Variants in HCN1 observed in about 807,000 individuals in gnomAD.
HCN1 encodes hyperpolarization activated cyclic nucleotide gated potassium channel 1, also known as potassium/sodium hyperpolarization-activated cyclic nucleotide-gated channel 1.
Under a neutral mutation model 78.9 loss-of-function variants are expected in HCN1, and 13 were observed. That is an observed-to-expected ratio of 0.16 (90% confidence interval 0.11 to 0.26). The LOEUF is 0.26. Among genes scored for constraint, HCN1 ranks in the 10% least tolerant of loss-of-function variants. The probability of loss-of-function intolerance (pLI) is 1.00; values close to 1 mark genes in which losing one functional copy is unlikely to be tolerated. For synonymous variants in HCN1, 552 were observed against 455.5 expected (o/e 1.21, Z -2.70); for missense variants, 810 against 1,154.3 (o/e 0.70, Z 4.32).
chr5:45,426,012 T>C (rs538401219), intron 3 of HCN1, among the ~76,000 whole-genome samples: 18 of 152,140 alleles, frequency 1.2e-4, no homozygotes, highest in Non-Finnish European at 2.4e-4. Flanking sequence ...AATGAGAAGA[T>C]AGGTACTAGG....
At chr5:45,495,627 C>A (rs1742009076) in intron 2 of HCN1, among the ~76,000 whole-genome samples, 2 of 152,194 alleles carry the variant, frequency 1.3e-5, no homozygotes, top group African/African-American at 2.4e-5. Flanking sequence ...GCCAGAACTT[C>A]CAACACTATG....
chr5:45,647,047 T>G (rs992353644), intron 1 of HCN1, among the ~76,000 whole-genome samples: 5 of 152,152 alleles, frequency 3.3e-5, no homozygotes, highest in African/African-American at 1.2e-4. Flanking sequence ...GAATGACTCC[T>G]GAAATAAAAG....
chr5:45,380,974 C>T (rs1287303709), intron 4 of HCN1, among the ~76,000 whole-genome samples: 1 of 152,128 alleles, frequency 6.6e-6, no homozygotes, highest in Non-Finnish European at 1.5e-5. Flanking sequence ...TAATTAGCAT[C>T]TATCTTCAGG....
intron 2 of HCN1, among the ~76,000 whole-genome samples, chr5:45,610,868 T>C (rs904478392): frequency 6.6e-6 from 1 of 152,022 alleles, no homozygotes; most frequent in Admixed American, 6.6e-5. Flanking sequence ...GGAAAATTCC[T>C]TAAGACTCTT....
chr5:45,541,168 T>C (rs1385648950), intron 2 of HCN1, among the ~76,000 whole-genome samples: 8 of 152,146 alleles, frequency 5.3e-5, no homozygotes, highest in Admixed American at 1.3e-4. Context: ...TGGTACAAAA[T>C]GTTTATAGAA....
chr5:45,686,879 T>A lies in HCN1; in HGVS notation c.425+8790A>T, dbSNP rs534717027. Among the ~76,000 whole-genome samples, 272 of 152,310 alleles carry A rather than the reference T, an allele frequency of 1.8e-3. 1 individual carries two copies. The highest frequency in any genetic ancestry group is 6.3e-3 in the African/African-American group (262 of 41,574). On this transcript the variant is annotated intron_variant, in intron 1 of 7. Transcript: ENST00000303230. ...TTTGGAGTACTCCTGGGACTTCAGG[T>A]TTCTCTGTGTTAGAGCCCATTTCCT...
rs189400651 is a variant in HCN1 at position 45,652,397 on chromosome 5, C to T, written c.426-6789G>A. On this transcript the variant is annotated intron_variant, in intron 1 of 7. Transcript: ENST00000303230. ...TCTGTATTAGCATAGACTCATTTTT[C>T]TCAATTCTTATCTGACTCCTCTTCT... Among the ~76,000 whole-genome samples the T allele has an allele frequency of 4.6e-4, 70 of 151,904 alleles. No individual in the cohort carries two copies. The East Asian group carries it at 0.013, about 29-fold the overall frequency.
chr5:45,600,148 A>C (rs866141171), intron 2 of HCN1, among the ~76,000 whole-genome samples: 7 of 151,804 alleles, frequency 4.6e-5, no homozygotes, highest in Middle Eastern at 3.4e-3. Flanking sequence ...TAATCTCCCA[A>C]TTTTAGGCTT....
intron 2 of HCN1, among the ~76,000 whole-genome samples, chr5:45,636,834 C>G (rs1486641941): frequency 3.9e-5 from 6 of 151,982 alleles, no homozygotes; most frequent in Non-Finnish European, 1.5e-5. Flanking sequence ...AGAGCAAGAC[C>G]CTATCTCTAA....
rs560950118 is a variant in HCN1 at position 45,675,416 on chromosome 5, G to A, written c.425+20253C>T. Among the ~76,000 whole-genome samples, 186 of 151,850 alleles carry A rather than the reference G, an allele frequency of 1.2e-3. 1 individual carries two copies. Among genetic ancestry groups the A allele is most frequent in the African/African-American group, 4.4e-3 (181 of 41,486 alleles). Reference sequence around the variant, plus strand: ...ATTCTCTAGCCCCACTGAGTCACTAGTGATCCTTGATTCAAACACATCCAA... The same window carrying A: ...ATTCTCTAGCCCCACTGAGTCACTAATGATCCTTGATTCAAACACATCCAA... On this transcript the variant is annotated intron_variant, in intron 1 of 7. Transcript: ENST00000303230.
chr5:45,463,389 G>A (rs960055381), intron 2 of HCN1, among the ~76,000 whole-genome samples: 42 of 151,866 alleles, frequency 2.8e-4, no homozygotes, highest in Admixed American at 2.0e-3. Flanking sequence ...TAATTATAGT[G>A]AGCAAAAAGA....
intron 3 of HCN1, among the ~76,000 whole-genome samples, chr5:45,445,504 G>T (rs990775606): frequency 1.3e-5 from 2 of 152,188 alleles, no homozygotes; most frequent in African/African-American, 4.8e-5. Flanking sequence ...AGACCTAAAT[G>T]TCCCTGTCTG....
At position 45,314,669 on chromosome 5, in the gene HCN1, C is replaced by G. The variant is rs191439749; in HGVS notation, c.1378-10830G>C. ...CATCAGTGTGCTGTATTCAGGAGAC[C>G]CATCTCACATGCAGAGACACACAGG... On this transcript the variant is annotated intron_variant, in intron 5 of 7. Transcript: ENST00000303230. Among the ~76,000 whole-genome samples, 7 of 152,082 alleles carry G rather than the reference C, an allele frequency of 4.6e-5. No homozygotes were observed. In the East Asian group the frequency reaches 9.7e-4, roughly 21 times the overall value.
intron 3 of HCN1, among the ~76,000 whole-genome samples, chr5:45,445,453 G>A (rs890230212): frequency 2.0e-5 from 3 of 152,182 alleles, no homozygotes; most frequent in South Asian, 2.1e-4. Context: ...CACCTCTGGG[G>A]GCAGGGCACA....
rs1426416470 is a variant in HCN1 at position 45,696,210 on chromosome 5, C to A, written c.-117G>T. 6 of 438,530 alleles carry A rather than the reference C, an allele frequency of 1.4e-5. No individual in the cohort carries two copies. The South Asian group carries it at 5.6e-4, about 41-fold the overall frequency. The allele number at this position is 438,530 out of a possible 1,614,324, so 27.2% of individuals were successfully genotyped here. On this transcript the variant is annotated 5_prime_UTR_variant, in exon 1 of 8. Coordinates refer to ENST00000303230, the MANE Select transcript of HCN1 (RefSeq NM_021072.4). ...CCGGCTGCCGGCGAGCCCAGCTGCC[C>A]GTCGCGGCGGCGGCGGCGGCGGCGG...
At position 45,262,827 on chromosome 5, in the gene HCN1, G is replaced by C. The variant is rs1579763504; in HGVS notation, c.1784-17C>G. On this transcript the variant is annotated splice_polypyrimidine_tract_variant and intron_variant, in intron 7 of 7. Transcript: ENST00000303230. ...TTTTCTTTCCTGTCAGCAAAAGAAA[G>C]ATAGGCACTTAGAAAGCCTACCAAT... The C allele has an allele frequency of 6.2e-7, 1 of 1,612,678 alleles. No homozygotes were observed. Among genetic ancestry groups the C allele is most frequent in the Non-Finnish European group, 8.5e-7 (1 of 1,179,834 alleles).
chr5:45,319,649 A>T (rs1018910788), intron 5 of HCN1, among the ~76,000 whole-genome samples: 2 of 151,226 alleles, frequency 1.3e-5, no homozygotes, highest in African/African-American at 4.8e-5. Flanking sequence ...TTTTCACTCT[A>T]AGTAGTATCT....
chr5:45,690,831 C>G (rs938995043), intron 1 of HCN1, among the ~76,000 whole-genome samples: 2 of 152,000 alleles, frequency 1.3e-5, no homozygotes, highest in Non-Finnish European at 1.5e-5. Flanking sequence ...TCATGTAGTG[C>G]TAATGATCTG....
At chr5:45,675,616 C>T (rs1362466050) in intron 1 of HCN1, among the ~76,000 whole-genome samples, 1 of 151,726 alleles carries the variant, frequency 6.6e-6, no homozygotes, top group Non-Finnish European at 1.5e-5. Flanking sequence ...TTGACCATTC[C>T]CTGGACCATT....
Sources: gnomAD v4.1 joint callset for allele counts (sites outside exome capture counted in the v4.1 genomes callset) on GRCh38, gnomAD v4.1.1 for gene constraint, MANE v1.5 for transcripts, NCBI Gene and HGNC (gene_info 2026-07-23, HGNC 2026-07-21) for gene names.